SRRM1: variants seen among roughly 807,000 people sequenced by gnomAD.
SRRM1 encodes serine and arginine repetitive matrix 1.
SRRM1 carries 19 observed loss-of-function variants against 110.2 expected under a neutral mutation model. The observed-to-expected ratio is 0.17, with a 90% CI of 0.12 to 0.25. The LOEUF is 0.25. Ranked by LOEUF, SRRM1 falls within the 10% of genes least tolerant of loss-of-function variation. The pLI is 1.00. For missense variants in SRRM1, 918 were observed against 1,145.8 expected (o/e 0.80, Z 2.87); for synonymous variants, 443 against 414.9 (o/e 1.07, Z -0.82).
chr1:24,660,997 T>G (rs1001685431), intron 10 of SRRM1, 198 bp downstream of exon 10: 1 of 542,768 alleles, frequency 1.8e-6, no homozygotes, highest in Non-Finnish European at 3.3e-6. Context: ...TTAATTAACT[T>G]ATCTGAGCCT....
chr1:24,643,657 G>T (rs529479976), intron 1 of SRRM1: 178 of 374,782 alleles, frequency 4.7e-4, no homozygotes, highest in Non-Finnish European at 7.5e-4. Context: ...CGAGCGCCGT[G>T]CGTGCCGCCG....
intron 2 of SRRM1, 119 bp from the exon 3 acceptor site, chr1:24,646,548 A>G: frequency 1.3e-6 from 1 of 774,184 alleles, no homozygotes; most frequent in Non-Finnish European, 2.0e-6. Context: ...AAATTAGCAG[A>G]TTCTACTATG....
At chr1:24,664,323 A>G (rs185774862) in intron 12 of SRRM1, among the ~76,000 whole-genome samples, 2 of 152,292 alleles carry the variant, frequency 1.3e-5, no homozygotes, top group Non-Finnish European at 2.9e-5. Flanking sequence ...ACTTTTGATT[A>G]TTAGTGTCAC....
intron 4 of SRRM1, 33 bp from the exon 5 acceptor site, chr1:24,649,938 A>G (rs763805439): frequency 2.0e-6 from 3 of 1,523,830 alleles, no homozygotes; most frequent in Admixed American, 4.7e-5. Context: ...CAAATGTTCA[A>G]CTATGTGTAT....
intron 8 of SRRM1, chr1:24,654,424 A>T: frequency 9.0e-7 from 1 of 1,107,222 alleles, no homozygotes; most frequent in South Asian, 1.4e-5. Context: ...TATGTAGCTA[A>T]ATGAATTCTT....
intron 13 of SRRM1, 128 bp from the exon 14 acceptor site, chr1:24,668,995 A>G (rs553120806): frequency 6.7e-4 from 463 of 695,368 alleles, no homozygotes; most frequent in Non-Finnish European, 1.0e-3. Context: ...TAAAGATAGC[A>G]TGTTCACTTA....
intron 11 of SRRM1, among the ~76,000 whole-genome samples, chr1:24,662,027 A>G (rs971010239): frequency 6.6e-6 from 1 of 152,186 alleles, no homozygotes; most frequent in Non-Finnish European, 1.5e-5. Context: ...CAGAGGTTGC[A>G]GTGAGTGAGC....
chr1:24,650,196 A>G (rs1427893715), intron 5 of SRRM1, 110 bp downstream of exon 5: 10 of 1,117,652 alleles, frequency 8.9e-6, no homozygotes, highest in Non-Finnish European at 1.2e-5. Flanking sequence ...TTGTTCCATC[A>G]TGCAGTTTTC....
rs772084896 is a variant in SRRM1, at chr1:24,669,240, C to T, written c.1857C>T (p.Pro619=). Residue 619 remains proline, a synonymous_variant, in exon 14 of 17, where the codon CCC becomes CCT. Transcript: ENST00000323848. ...PPKRRTASPP[P]PPKRRASPSP... ...AGAGAAGAACGGCTTCACCTCCTCC[C>T]CCTCCTAAACGAAGAGCATCACCAT... The T allele has an allele frequency of 1.2e-6, 2 of 1,614,166 alleles. No individual in the cohort carries two copies. The highest frequency in any genetic ancestry group is 1.7e-5 in the Admixed American group (1 of 60,016).
At chr1:24,652,032 ATATATAT>A (rs1557670723) in intron 6 of SRRM1, among the ~76,000 whole-genome samples, 1 of 76,754 alleles carries the variant, frequency 1.3e-5, no homozygotes, top group African/African-American at 7.7e-5. Context: ...TACTAAAAAT[ATATATAT>A]ATATATATAT....
chr1:24,654,758 G>T, intron 8 of SRRM1, 97 bp from the exon 9 acceptor site: 1 of 1,435,752 alleles, frequency 7.0e-7, no homozygotes, highest in Non-Finnish European at 9.6e-7. Context: ...CTCAAAAGTC[G>T]GATTAAAATA....
Position 24,672,573 on chromosome 1 carries a change from T to A in SRRM1, c.*287T>A, listed in dbSNP as rs1167743570. 3 of 181,120 alleles carry A rather than the reference T, an allele frequency of 1.7e-5. No homozygotes were observed. The highest frequency in any genetic ancestry group is 3.5e-5 in the Non-Finnish European group (3 of 86,746). The allele number at this position is 181,120 out of a possible 1,614,324, so 11.2% of individuals were successfully genotyped here. A position where few individuals can be genotyped will look rare whatever the true frequency, so the allele number is the denominator to read the frequency against. On this transcript the variant is annotated 3_prime_UTR_variant, in exon 17 of 17. Transcript: ENST00000323848. ...GGGGTTTAAATACTGTTGGCATTTT[T>A]ATGGTTCCTTTAAATGCCCTAGCTA...
chr1:24,666,191 C>T (rs1371065764), intron 12 of SRRM1, among the ~76,000 whole-genome samples: 1 of 152,126 alleles, frequency 6.6e-6, no homozygotes, highest in East Asian at 1.9e-4. Context: ...TGTGCTGTTG[C>T]CGAACTTTTT....
At chr1:24,648,127 C>T (rs965458202) in intron 3 of SRRM1, 4 of 152,152 alleles carry the variant, frequency 2.6e-5, no homozygotes, top group Non-Finnish European at 5.9e-5. Context: ...GATTCCAAAC[C>T]CCCAAGGTTC....
chr1:24,647,213 G>A (rs1321389665), intron 3 of SRRM1: 1 of 153,890 alleles, frequency 6.5e-6, no homozygotes, highest in Non-Finnish European at 1.4e-5. Flanking sequence ...TTGGAGGTGA[G>A]TTGTGTAAAG....
At chr1:24,650,218 T>C in intron 5 of SRRM1, 132 bp downstream of exon 5, 1 of 811,600 alleles carries the variant, frequency 1.2e-6, no homozygotes, top group Non-Finnish European at 1.8e-6. Flanking sequence ...TGGTGACCTG[T>C]GCCTTGCCTC....
chr1:24,661,451 T>C, intron 11 of SRRM1, 55 bp downstream of exon 11: 1 of 1,307,798 alleles, frequency 7.6e-7, no homozygotes, highest in Non-Finnish European at 1.1e-6. Flanking sequence ...TAAAAAATAC[T>C]TGGTATATAA....
At chr1:24,666,581 G>A (rs1670092647) in intron 12 of SRRM1, 2 of 376,954 alleles carry the variant, frequency 5.3e-6, no homozygotes, top group Non-Finnish European at 9.9e-6. Flanking sequence ...GGCCAACATG[G>A]TGAAACTCCG....
At chr1:24,647,570 A>G (rs1167703650) in intron 3 of SRRM1, 3 of 152,646 alleles carry the variant, frequency 2.0e-5, no homozygotes, top group African/African-American at 7.2e-5. Flanking sequence ...ACAGCAACCC[A>G]AAGGACAGTT....
Sources: allele counts gnomAD v4.1 joint callset (sites outside exome capture counted in the v4.1 genomes callset), GRCh38; gene constraint gnomAD v4.1.1; transcripts MANE v1.5; gene names NCBI Gene and HGNC (gene_info 2026-07-23, HGNC 2026-07-21).